The following TBC1D5 variants were observed in gnomAD, a reference collection of about 807,000 sequenced individuals.
TBC1D5 encodes TBC1 domain family, member 5.
A neutral mutation model predicts 100.3 loss-of-function variants in TBC1D5; 75 were observed. The observed-to-expected ratio is 0.75, with a 90% CI of 0.62 to 0.91. The LOEUF (loss-of-function observed/expected upper bound fraction) is 0.91, where lower values mean the gene tolerates loss of function less well. Among genes scored for constraint, TBC1D5 ranks in the 40% least tolerant of loss-of-function variants. The pLI, the probability that TBC1D5 is intolerant of heterozygous loss-of-function variation, is 0.00. For missense variants in TBC1D5, 910 were observed against 942.4 expected, an observed-to-expected ratio of 0.97 and a Z score of 0.45; for synonymous variants, 323 against 325.6, an observed-to-expected ratio of 0.99 and a Z score of 0.09.
At chr3:17,423,467 T>C (rs893476549) in intron 4 of TBC1D5, among the ~76,000 whole-genome samples, 1 of 152,174 alleles carries the variant, frequency 6.6e-6, no homozygotes, top group African/African-American at 2.4e-5. Flanking sequence ...CTTTTGTTTT[T>C]TAATTCAACA....
intron 1 of TBC1D5, among the ~76,000 whole-genome samples, chr3:17,673,794 TC>T (rs2068269088): frequency 1.3e-5 from 2 of 152,168 alleles, no homozygotes; most frequent in Admixed American, 6.5e-5. Flanking sequence ...CACTAAAAAT[TC>T]TACCCTCTTT....
chr3:17,405,197 T>C (rs2093739968), intron 5 of TBC1D5, among the ~76,000 whole-genome samples: 1 of 151,814 alleles, frequency 6.6e-6, no homozygotes, highest in Non-Finnish European at 1.5e-5. Flanking sequence ...TACCACAAAA[T>C]AGAATCAAGC....
chr3:17,168,066 A>T (rs2066818497), intron 19 of TBC1D5, among the ~76,000 whole-genome samples: 1 of 152,154 alleles, frequency 6.6e-6, no homozygotes, highest in Non-Finnish European at 1.5e-5. Flanking sequence ...TCTCATCATG[A>T]CAGATGTGTC....
intron 17 of TBC1D5, among the ~76,000 whole-genome samples, chr3:17,227,793 A>G (rs868390056): frequency 2.0e-5 from 3 of 152,080 alleles, no homozygotes; most frequent in Middle Eastern, 3.4e-3. Flanking sequence ...GCAAACCCCC[A>G]TGCCACACGT....
At chr3:17,453,475 T>C (rs952281420) in intron 3 of TBC1D5, among the ~76,000 whole-genome samples, 4 of 152,108 alleles carry the variant, frequency 2.6e-5, no homozygotes, top group Admixed American at 2.0e-4. Flanking sequence ...GAAAACACTA[T>C]AACAGATACC....
intron 3 of TBC1D5, among the ~76,000 whole-genome samples, chr3:17,456,943 T>G: frequency 6.6e-6 from 1 of 152,164 alleles, no homozygotes; most frequent in Non-Finnish European, 1.5e-5. Flanking sequence ...AAAGCAAATT[T>G]ACAGTTATAA....
At chr3:17,354,331 A>G (rs1044179699) in intron 13 of TBC1D5, among the ~76,000 whole-genome samples, 1 of 152,110 alleles carries the variant, frequency 6.6e-6, no homozygotes, top group African/African-American at 2.4e-5. Context: ...CTTCTGATAG[A>G]CTTTATCACT....
chr3:17,186,647 T>C (rs766598782), intron 18 of TBC1D5, among the ~76,000 whole-genome samples: 1 of 124,888 alleles, frequency 8.0e-6, no homozygotes, highest in Middle Eastern at 7.1e-3. Flanking sequence ...GAGGTGAAGG[T>C]TGAAGTGAGC....
At chr3:17,387,828 A>G (rs968548840) in intron 8 of TBC1D5, among the ~76,000 whole-genome samples, 2 of 151,484 alleles carry the variant, frequency 1.3e-5, no homozygotes, top group African/African-American at 2.4e-5. Flanking sequence ...ATCAACAATG[A>G]TGTTACAGTT....
At chr3:17,643,094 T>C (rs1198078803) in intron 1 of TBC1D5, among the ~76,000 whole-genome samples, 4 of 152,108 alleles carry the variant, frequency 2.6e-5, no homozygotes, top group African/African-American at 7.2e-5. Flanking sequence ...TTACCTTTAG[T>C]TGTCATGTGT....
chr3:17,365,014 A>C (rs746533358), intron 13 of TBC1D5, among the ~76,000 whole-genome samples: 1 of 152,202 alleles, frequency 6.6e-6, no homozygotes, highest in South Asian at 2.1e-4. Context: ...TTTCATGTGT[A>C]CTGATGAATT....
intron 2 of TBC1D5, among the ~76,000 whole-genome samples, chr3:17,560,449 G>A (rs1188216462): frequency 6.6e-6 from 1 of 151,846 alleles, no homozygotes; most frequent in Non-Finnish European, 1.5e-5. Context: ...GAGACACCCT[G>A]TCTCTAAAAA....
chr3:17,316,363 T>G (rs2084699287), intron 13 of TBC1D5, among the ~76,000 whole-genome samples: 1 of 152,172 alleles, frequency 6.6e-6, no homozygotes, highest in Non-Finnish European at 1.5e-5. Context: ...CATTCATCAG[T>G]AGAGAGAAGT....
At chr3:17,466,544 C>T (rs2095304329) in intron 3 of TBC1D5, among the ~76,000 whole-genome samples, 1 of 152,132 alleles carries the variant, frequency 6.6e-6, no homozygotes, top group Non-Finnish European at 1.5e-5. Flanking sequence ...TACTTATTTC[C>T]TCTTTTCCCT....
At chr3:17,544,177 T>G (rs1424059859) in intron 2 of TBC1D5, among the ~76,000 whole-genome samples, 1 of 152,092 alleles carries the variant, frequency 6.6e-6, no homozygotes, top group African/African-American at 2.4e-5. Context: ...CCAGAAAATC[T>G]GCTTTTCTTA....
chr3:17,582,446 A>G (rs1255796792), intron 2 of TBC1D5, among the ~76,000 whole-genome samples: 1 of 152,200 alleles, frequency 6.6e-6, no homozygotes, highest in Admixed American at 6.6e-5. Context: ...CTGAAGTTGT[A>G]GTTAAAGGAA....
At chr3:17,285,514 C>A (rs1468371549) in intron 15 of TBC1D5, among the ~76,000 whole-genome samples, 1 of 151,940 alleles carries the variant, frequency 6.6e-6, no homozygotes, top group Non-Finnish European at 1.5e-5. Flanking sequence ...CCCGCCTCGG[C>A]CTCCCAAAGT....
intron 1 of TBC1D5, among the ~76,000 whole-genome samples, chr3:17,664,659 T>C (rs2067036335): frequency 6.6e-6 from 1 of 152,162 alleles, no homozygotes; most frequent in South Asian, 2.1e-4. Context: ...AAAAATGATT[T>C]AGTATAAGAC....
intron 2 of TBC1D5, among the ~76,000 whole-genome samples, chr3:17,589,942 A>G (rs2096755917): frequency 1.3e-5 from 2 of 152,140 alleles, no homozygotes; most frequent in South Asian, 4.1e-4. Flanking sequence ...ATAAAAGGAG[A>G]TGTGATATAG....
Sources: allele counts gnomAD v4.1 joint callset (sites outside exome capture counted in the v4.1 genomes callset), GRCh38; gene constraint gnomAD v4.1.1; transcripts MANE v1.5; gene names NCBI Gene and HGNC (gene_info 2026-07-23, HGNC 2026-07-21).